HS6ST2: variants seen among roughly 807,000 people sequenced by gnomAD.
HS6ST2 encodes the protein heparan sulfate 6-O-sulfotransferase 2, also known as heparan-sulfate 6-O-sulfotransferase 2.
A neutral mutation model predicts 33.0 loss-of-function variants in HS6ST2; 17 were observed. The observed-to-expected ratio is 0.52, with a 90% CI of 0.35 to 0.77. HS6ST2 has a LOEUF of 0.77. HS6ST2 is among the 30% of genes least tolerant of loss of function. The probability of loss-of-function intolerance (pLI) is 0.01; values close to 1 mark genes in which losing one functional copy is unlikely to be tolerated. For synonymous variants in HS6ST2, 248 were observed against 237.1 expected (o/e 1.05, Z -0.42); for missense variants, 519 against 551.7 (o/e 0.94, Z 0.59).
intron 2 of HS6ST2, among the ~76,000 whole-genome samples, chrX:132,737,125 G>A (rs1361226935): frequency 9.0e-6 from 1 of 111,197 alleles, no homozygotes; most frequent in Non-Finnish European, 1.9e-5. Context: ...CAGAAGGGAG[G>A]TACCACTTGA....
At chrX:132,799,669 G>T (rs1307523942) in intron 2 of HS6ST2, among the ~76,000 whole-genome samples, 1 of 111,258 alleles carries the variant, frequency 9.0e-6, no homozygotes, top group Non-Finnish European at 1.9e-5. Context: ...GGTGTGAGCT[G>T]CTGTGCCCAG....
At chrX:132,789,893 G>T (rs2065102910) in intron 2 of HS6ST2, among the ~76,000 whole-genome samples, 1 of 112,184 alleles carries the variant, frequency 8.9e-6, no homozygotes, top group Non-Finnish European at 1.9e-5. Context: ...CAAACTTGAA[G>T]GAATGAGTAG....
chrX:132,894,127 T>G lies in HS6ST2; in HGVS notation c.947+62681A>C, dbSNP rs752983026. Reference sequence around the variant, plus strand: ...TATAGTCATGATGGGTTTCAGGTTTTTTTTTTTTTTGTGGGGGGGGAGGTG... The same window carrying G: ...TATAGTCATGATGGGTTTCAGGTTTGTTTTTTTTTTGTGGGGGGGGAGGTG... On this transcript the variant is annotated intron_variant, in intron 2 of 4. Coordinates refer to ENST00000370833, the MANE Select transcript of HS6ST2 (RefSeq NM_001394073.1). Among the ~76,000 whole-genome samples the G allele has an allele frequency of 1.0e-4, 11 of 108,170 alleles. 1 individual carries two copies. Among genetic ancestry groups the G allele is most frequent in the South Asian group, 8.5e-4 (2 of 2,366 alleles). The allele number at this position is 108,170 out of a possible 115,157, so 93.9% of individuals were successfully genotyped here.
intron 2 of HS6ST2, among the ~76,000 whole-genome samples, chrX:132,753,310 T>C (rs1270268680): frequency 8.9e-6 from 1 of 111,832 alleles, no homozygotes; most frequent in Non-Finnish European, 1.9e-5. Context: ...TATGGATTTA[T>C]TTATATACAA....
chrX:132,658,469 G>A (rs1488745475), intron 4 of HS6ST2, among the ~76,000 whole-genome samples: 1 of 107,783 alleles, frequency 9.3e-6, no homozygotes, highest in African/African-American at 3.4e-5. Context: ...TGTAAAATAT[G>A]GTTTTTTTCT....
chrX:132,895,506 T>A (rs1398622367), intron 2 of HS6ST2, among the ~76,000 whole-genome samples: 1 of 111,507 alleles, frequency 9.0e-6, no homozygotes. Context: ...GATTATAATT[T>A]AGCCTTTTCA....
chrX:132,885,079 C>T (rs2066233980), intron 2 of HS6ST2, among the ~76,000 whole-genome samples: 1 of 111,780 alleles, frequency 8.9e-6, no homozygotes, highest in African/African-American at 3.3e-5. Context: ...CAGCATTATC[C>T]ACAACAGAAA....
intron 2 of HS6ST2, among the ~76,000 whole-genome samples, chrX:132,919,811 C>T (rs1323194305): frequency 8.9e-6 from 1 of 111,820 alleles, no homozygotes; most frequent in East Asian, 2.8e-4. Context: ...CTTGTAAGCA[C>T]TTCTTCTCAC....
Position 132,626,434 on chromosome X carries a change from G to T in HS6ST2, c.*1789C>A, listed in dbSNP as rs1260866108. 1 of 112,552 alleles carries T rather than the reference G, an allele frequency of 8.9e-6. No individual in the cohort carries two copies. Among genetic ancestry groups the T allele is most frequent in the Non-Finnish European group, 1.9e-5 (1 of 53,305 alleles). The allele number at this position is 112,552 out of a possible 1,213,427, so 9.3% of individuals were successfully genotyped here. Reference sequence around the variant, plus strand: ...CTCTAAAACACTGTGACTTCAAGGTGTGGAAAAATTCCTTTCAGTTTTTTA... The same window carrying T: ...CTCTAAAACACTGTGACTTCAAGGTTTGGAAAAATTCCTTTCAGTTTTTTA... On this transcript the variant is annotated 3_prime_UTR_variant, in exon 5 of 5. Coordinates refer to ENST00000370833, the MANE Select transcript of HS6ST2 (RefSeq NM_001394073.1).
intron 4 of HS6ST2, among the ~76,000 whole-genome samples, chrX:132,661,050 G>T (rs1044060485): frequency 9.0e-6 from 1 of 111,256 alleles, no homozygotes; most frequent in Admixed American, 9.6e-5. Context: ...AGAACAGCAC[G>T]AGGAAACCGC....
intron 2 of HS6ST2, among the ~76,000 whole-genome samples, chrX:132,836,955 T>C (rs964266801): frequency 1.8e-5 from 2 of 112,043 alleles, no homozygotes; most frequent in African/African-American, 6.5e-5. Context: ...GCTTCCACAG[T>C]GTAAAACAAG....
chrX:132,652,133 G>A (rs1211718777), intron 4 of HS6ST2, among the ~76,000 whole-genome samples: 2 of 111,713 alleles, frequency 1.8e-5, no homozygotes, highest in Non-Finnish European at 3.8e-5. Context: ...GGAGGGCTCT[G>A]CAGGCACAAG....
At chrX:132,782,781 G>C (rs1238253948) in intron 2 of HS6ST2, among the ~76,000 whole-genome samples, 1 of 111,440 alleles carries the variant, frequency 9.0e-6, no homozygotes, top group East Asian at 2.8e-4. Flanking sequence ...TCAAGAGAGA[G>C]AGAGAGACCA....
chrX:132,819,158 C>T (rs2065426522), intron 2 of HS6ST2, among the ~76,000 whole-genome samples: 1 of 110,485 alleles, frequency 9.1e-6, no homozygotes, highest in Non-Finnish European at 1.9e-5. Context: ...GTGGATTAGG[C>T]CATTATGAAA....
chrX:132,816,670 A>G (rs971587270), intron 2 of HS6ST2, among the ~76,000 whole-genome samples: 2 of 111,973 alleles, frequency 1.8e-5, no homozygotes, highest in African/African-American at 6.5e-5. Context: ...TTGACTTAGG[A>G]AAAAAGAGAA....
chrX:132,841,875 T>C (rs1158445068), intron 2 of HS6ST2, among the ~76,000 whole-genome samples: 2 of 111,838 alleles, frequency 1.8e-5, no homozygotes, highest in African/African-American at 3.3e-5. Context: ...AATAGGTTAG[T>C]GAAACTGATG....
At chrX:132,664,260 C>G (rs1199024433) in intron 4 of HS6ST2, among the ~76,000 whole-genome samples, 1 of 112,089 alleles carries the variant, frequency 8.9e-6, no homozygotes, top group Non-Finnish European at 1.9e-5. Flanking sequence ...CCGCCCACCT[C>G]GGCCTCCCAA....
chrX:132,791,529 C>T (rs1034990980), intron 2 of HS6ST2, among the ~76,000 whole-genome samples: 4 of 112,054 alleles, frequency 3.6e-5, no homozygotes, highest in Non-Finnish European at 5.6e-5. Context: ...TTAGAAATCA[C>T]TATCCAATTT....
At chrX:132,897,899 G>T (rs1282104871) in intron 2 of HS6ST2, among the ~76,000 whole-genome samples, 1 of 111,542 alleles carries the variant, frequency 9.0e-6, no homozygotes, top group Non-Finnish European at 1.9e-5. Context: ...TAGCCTGAGT[G>T]ACTCAAAGTT....
Sources: allele counts gnomAD v4.1 joint callset (sites outside exome capture counted in the v4.1 genomes callset), GRCh38; gene constraint gnomAD v4.1.1; transcripts MANE v1.5; gene names NCBI Gene and HGNC (gene_info 2026-07-23, HGNC 2026-07-21).